Variants in RAD21 observed in about 807,000 individuals in gnomAD.
RAD21 encodes the protein RAD21 cohesin complex component, also known as double-strand-break repair protein rad21 homolog.
RAD21 carries 18 observed loss-of-function variants against 71.5 expected under a neutral mutation model. That is an observed-to-expected ratio of 0.25 (90% CI 0.17 to 0.37). RAD21 has a LOEUF of 0.37. RAD21 is among the 10% of genes least tolerant of loss of function. RAD21 has a pLI of 1.00. For synonymous variants in RAD21, 248 were observed against 254.0 expected (o/e 0.98, Z 0.22); for missense variants, 493 against 769.1 (o/e 0.64, Z 4.25).
Position 116,846,569 on chromosome 8 carries a change from A to T in RAD21, c.*931T>A, listed in dbSNP as rs1362104479. On this transcript the variant is annotated 3_prime_UTR_variant, in exon 14 of 14. Transcript: ENST00000297338. The stretch of plus-strand genomic sequence containing the variant: ...TACTAAAACTTACAATAAATATCAG[A>T]GAAGCCGTTAGTTTTTACAGCATCG... 3 of 229,158 alleles carry T rather than the reference A, an allele frequency of 1.3e-5. No homozygotes were observed. The highest frequency in any genetic ancestry group is 2.6e-5 in the Non-Finnish European group (3 of 115,320). 14.2% of individuals were successfully genotyped at this position (229,158 alleles called of 1,614,324 possible).
Position 116,847,121 on chromosome 8 carries a change from G to C in RAD21, c.*379C>G, listed in dbSNP as rs1166211531. On this transcript the variant is annotated 3_prime_UTR_variant, in exon 14 of 14. Coordinates refer to ENST00000297338, the MANE Select transcript of RAD21 (RefSeq NM_006265.3). ...TTACACCATAGTTTTAAATTAAACT[G>C]TCAGGCATTTTCTCAGACAGGTTTT... The C allele has an allele frequency of 1.3e-5, 3 of 239,352 alleles. No homozygotes were observed. Among genetic ancestry groups the C allele is most frequent in the African/African-American group, 6.6e-5 (3 of 45,470 alleles). 14.8% of individuals were successfully genotyped at this position (239,352 alleles called of 1,614,324 possible).
In RAD21 at chr8:116,847,380, A is replaced by G. The variant is rs1812269482; in HGVS notation, c.*120T>C. On this transcript the variant is annotated 3_prime_UTR_variant, in exon 14 of 14. Transcript: ENST00000297338. The stretch of plus-strand genomic sequence containing the variant: ...ACTGGAAAAAAATGAAGAAGGAAAA[A>G]GGCAAAGACTTTGTACAGACAAAAA... 2 of 815,464 alleles carry G rather than the reference A, an allele frequency of 2.5e-6. No individual in the cohort carries two copies. The highest frequency in any genetic ancestry group is 3.7e-6 in the Non-Finnish European group (2 of 544,766). 50.5% of individuals were successfully genotyped at this position (815,464 alleles called of 1,614,324 possible). A position where few individuals can be genotyped will look rare whatever the true frequency, so the allele number is the denominator to read the frequency against.
chr8:116,847,605 G>A lies in RAD21; in HGVS notation c.1791C>T (p.Phe597=). ...GCTTTTTAAGAACCAAGAAGCTGTAGAACTTTGCGGCAGCTTGTTTTCTGT... is the reference window on the plus strand; with the variant it reads ...GCTTTTTAAGAACCAAGAAGCTGTAAAACTTTGCGGCAGCTTGTTTTCTGT... ...NTNRKQAAAK[F]YSFLVLKKQQ... The change falls in exon 14 of 14, where the codon TTC becomes TTT. Residue 597 remains phenylalanine (F), a synonymous_variant. Coordinates refer to ENST00000297338, the MANE Select transcript of RAD21 (RefSeq NM_006265.3). The A allele has an allele frequency of 6.2e-7, 1 of 1,614,080 alleles. No individual in the cohort carries two copies. The highest frequency in any genetic ancestry group is 8.5e-7 in the Non-Finnish European group (1 of 1,179,980).
rs1361847479 is a variant in RAD21, at chr8:116,847,689, A to G, written c.1707T>C (p.Arg569=). The G allele has an allele frequency of 6.2e-7, 1 of 1,610,668 alleles. No individual in the cohort carries two copies. Among genetic ancestry groups the G allele is most frequent in the Non-Finnish European group, 8.5e-7 (1 of 1,178,726 alleles). The change falls in exon 14 of 14, where the codon CGT becomes CGC. Residue 569 remains arginine, a splice_region_variant and synonymous_variant. Transcript: ENST00000297338. Reference sequence around the variant, plus strand: ...ATTCAGCTCCAGTTTTAGCAAGAGCACGCTGAAATAAAACCAAAAAAGGGT... The same window carrying G: ...ATTCAGCTCCAGTTTTAGCAAGAGCGCGCTGAAATAAAACCAAAAAAGGGT... ...RTQQMLHGLQ[R]ALAKTGAESI... is the part of the protein sequence containing the mutation.
rs528717831 is a variant in RAD21 at position 116,874,338 on chromosome 8, A to G, written c.-33+273T>C. On this transcript the variant is annotated intron_variant, in intron 1 of 13. Transcript: ENST00000297338. ...CAGGGTAACAGCCTTTGTAGATCTC[A>G]GAATGGATCAGAATCATTTGTTACC... 1.3e-4 allele frequency: 20 copies of G among 157,302 alleles called. No homozygotes were observed. In the South Asian group the frequency reaches 2.1e-3, roughly 16 times the overall value. 9.7% of individuals were successfully genotyped at this position (157,302 alleles called of 1,614,324 possible).
intron 1 of RAD21, among the ~76,000 whole-genome samples, chr8:116,872,539 TACACACAC>T (rs5894355): frequency 1.0e-4 from 15 of 148,354 alleles, no homozygotes; most frequent in South Asian, 2.1e-4. Context: ...TATATATACA[TACACACAC>T]ACACACACAC....
chr8:116,847,833 G>A lies in RAD21; in HGVS notation c.1705-142C>T. 4 of 806,862 alleles carry A rather than the reference G, an allele frequency of 5.0e-6. No homozygotes were observed. The South Asian group carries it at 7.4e-5, about 15-fold the overall frequency. The allele number at this position is 806,862 out of a possible 1,614,324, so 50.0% of individuals were successfully genotyped here. ...CCCAGTGTTAGAGATGGAGCCTAGTGAGGTGTTTGTGTCATGGGGTGGGGA... is the reference window on the plus strand; with the variant it reads ...CCCAGTGTTAGAGATGGAGCCTAGTAAGGTGTTTGTGTCATGGGGTGGGGA... On this transcript the variant is annotated intron_variant, in intron 13 of 13. Coordinates refer to ENST00000297338, the MANE Select transcript of RAD21 (RefSeq NM_006265.3).
In RAD21 at chr8:116,847,147, C is replaced by T. The variant is rs1042193084; in HGVS notation, c.*353G>A. 3 of 249,264 alleles carry T rather than the reference C, an allele frequency of 1.2e-5. No individual in the cohort carries two copies. Among genetic ancestry groups the T allele is most frequent in the African/African-American group, 6.5e-5 (3 of 45,826 alleles). The allele number at this position is 249,264 out of a possible 1,614,324, so 15.4% of individuals were successfully genotyped here. A position where few individuals can be genotyped will look rare whatever the true frequency, so the allele number is the denominator to read the frequency against. On this transcript the variant is annotated 3_prime_UTR_variant, in exon 14 of 14. Coordinates refer to ENST00000297338, the MANE Select transcript of RAD21 (RefSeq NM_006265.3). ...TCAGGCATTTTCTCAGACAGGTTTT[C>T]CTTTTCAATGCAGTAATGAAGAACT...
At chr8:116,865,510 A>G (rs1812671407) in intron 2 of RAD21, among the ~76,000 whole-genome samples, 2 of 152,204 alleles carry the variant, frequency 1.3e-5, no homozygotes, top group Admixed American at 6.5e-5. Context: ...TCACCAGAAC[A>G]AACTGTTAGT....
chr8:116,847,990 C>T (rs1301209367), intron 13 of RAD21, among the ~76,000 whole-genome samples: 1 of 152,154 alleles, frequency 6.6e-6, no homozygotes, highest in Admixed American at 6.5e-5. Flanking sequence ...TGCCATGTGA[C>T]ACACCTGCTC....
intron 2 of RAD21, among the ~76,000 whole-genome samples, chr8:116,864,087 T>A (rs1363858310): frequency 1.3e-5 from 2 of 152,112 alleles, no homozygotes; most frequent in South Asian, 2.1e-4. Context: ...CCAACCTTTT[T>A]TCGAGGCAGA....
intron 11 of RAD21, chr8:116,851,651 T>C (rs1028410555): frequency 1.2e-5 from 3 of 241,382 alleles, no homozygotes; most frequent in African/African-American, 6.7e-5. Context: ...ACTGAAGGTG[T>C]GCAGGAATGT....
chr8:116,864,214 T>C (rs1190901746), intron 2 of RAD21, among the ~76,000 whole-genome samples: 3 of 152,002 alleles, frequency 2.0e-5, no homozygotes, highest in Non-Finnish European at 4.4e-5. Flanking sequence ...TAAGGAAAAT[T>C]TACTGAAAGA....
chr8:116,869,498 T>C (rs756610257), intron 1 of RAD21, among the ~76,000 whole-genome samples: 16 of 152,066 alleles, frequency 1.1e-4, no homozygotes, highest in Admixed American at 6.5e-4. Flanking sequence ...GGCAGGAGGA[T>C]TGCTTGAACC....
At chr8:116,864,484 T>C (rs1407330381) in intron 2 of RAD21, among the ~76,000 whole-genome samples, 1 of 152,122 alleles carries the variant, frequency 6.6e-6, no homozygotes, top group East Asian at 1.9e-4. Context: ...AATGATGATG[T>C]ATATGGCCAT....
chr8:116,872,058 A>G (rs1812832819), intron 1 of RAD21, among the ~76,000 whole-genome samples: 1 of 152,182 alleles, frequency 6.6e-6, no homozygotes, highest in Non-Finnish European at 1.5e-5. Flanking sequence ...AGGATCAAAA[A>G]TTGTTGGAGG....
rs1352385210 is a variant in RAD21 at position 116,857,366 on chromosome 8, G to C, written c.589C>G (p.Gln197Glu). 1 of 1,612,882 alleles carries C rather than the reference G, an allele frequency of 6.2e-7. No individual in the cohort carries two copies. The highest frequency in any genetic ancestry group is 8.5e-7 in the Non-Finnish European group (1 of 1,179,550). Reference protein sequence around the residue: ...TTSNLLLESEQSTSNLNEKIN... With the variant: ...TTSNLLLESEESTSNLNEKIN... ...TTCTCATTCAGATTGCTGGTGCTCT[G>C]TTCAGACTCTAATAGGAGGTTAGAA... The change falls in exon 6 of 14, where the codon CAG (glutamine) becomes GAG (glutamate). Residue 197 changes from glutamine to glutamate, a missense_variant. By Grantham distance (29) the Gln-to-Glu change is conservative (BLOSUM62 2). Coordinates refer to ENST00000297338, the MANE Select transcript of RAD21 (RefSeq NM_006265.3).
At chr8:116,859,207 G>A (rs747822254) in intron 4 of RAD21, among the ~76,000 whole-genome samples, 53 of 151,814 alleles carry the variant, frequency 3.5e-4, no homozygotes, top group Non-Finnish European at 6.8e-4. Flanking sequence ...ACTGAGTTTC[G>A]CAGATGCTGA....
rs1812933166 is a variant in RAD21, at chr8:116,874,653, A to AG, written c.-76dup. 8.3e-6 allele frequency: 2 copies of AG among 240,042 alleles called. No homozygotes were observed. 14.9% of individuals were successfully genotyped at this position (240,042 alleles called of 1,614,324 possible). A position where few individuals can be genotyped will look rare whatever the true frequency, so the allele number is the denominator to read the frequency against. On this transcript the variant is annotated 5_prime_UTR_variant, in exon 1 of 14. Coordinates refer to ENST00000297338, the MANE Select transcript of RAD21 (RefSeq NM_006265.3). The stretch of plus-strand genomic sequence containing the variant: ...GTTGGGCGGGCTGGGTGGCCCGGGG[A>AG]GGGGAAAAGGGTCGGGGGAGGGGGT...
Sources: allele counts gnomAD v4.1 joint callset (sites outside exome capture counted in the v4.1 genomes callset), GRCh38; gene constraint gnomAD v4.1.1; transcripts MANE v1.5; gene names NCBI Gene and HGNC (gene_info 2026-07-23, HGNC 2026-07-21).